VTI1A: variants seen among roughly 807,000 people sequenced by gnomAD.
VTI1A encodes the protein vesicle transport through interaction with t-SNAREs homolog 1A.
VTI1A carries 22 observed loss-of-function variants against 34.9 expected under a neutral mutation model. That is an observed-to-expected ratio of 0.63 (90% CI 0.45 to 0.90). VTI1A has a LOEUF of 0.90. VTI1A is among the 40% of genes least tolerant of loss of function. The pLI is 0.00. For missense variants in VTI1A, 268 were observed against 275.6 expected (o/e 0.97, Z 0.20); for synonymous variants, 87 against 97.3 (o/e 0.89, Z 0.62).
At chr10:112,582,529 A>G (rs1843989944) in intron 5 of VTI1A, among the ~76,000 whole-genome samples, 1 of 152,148 alleles carries the variant, frequency 6.6e-6, no homozygotes, top group South Asian at 2.1e-4. Context: ...TCATGGTGAC[A>G]TAGCTAGTGG....
chr10:112,685,995 G>T (rs1041953516), intron 7 of VTI1A, among the ~76,000 whole-genome samples: 2 of 152,132 alleles, frequency 1.3e-5, no homozygotes, highest in Non-Finnish European at 2.9e-5. Context: ...AGTGCATGAT[G>T]CCATACCTTC....
chr10:112,507,037 G>A (rs1849456109), intron 3 of VTI1A, among the ~76,000 whole-genome samples: 1 of 151,896 alleles, frequency 6.6e-6, no homozygotes, highest in African/African-American at 2.4e-5. Flanking sequence ...GAATGAAGTA[G>A]GGGAGCAGTT....
Position 112,815,139 on chromosome 10 carries a change from GCACACACACACA to G in VTI1A, c.561-129_561-118del, listed in dbSNP as rs71489986. 7.7e-5 allele frequency: 14 copies of G among 180,936 alleles called. No homozygotes were observed. The East Asian group carries it at 1.3e-3, about 16-fold the overall frequency. The allele number at this position is 180,936 out of a possible 1,614,324, so 11.2% of individuals were successfully genotyped here. The stretch of plus-strand genomic sequence containing the variant: ...GCTGCGTGATGTCTCTTTCGCGCGC[GCACACACACACA>G]CACACACACACACACACACACGCTC... On this transcript the variant is annotated intron_variant, in intron 7 of 7. Coordinates refer to ENST00000393077, the MANE Select transcript of VTI1A (RefSeq NM_145206.4).
chr10:112,785,239 C>G (rs185502529), intron 7 of VTI1A, among the ~76,000 whole-genome samples: 1 of 152,322 alleles, frequency 6.6e-6, no homozygotes, highest in African/African-American at 2.4e-5. Flanking sequence ...AAGGGGCTCA[C>G]TGGGCTCCCC....
chr10:112,720,355 C>G (rs1055375635), intron 7 of VTI1A, among the ~76,000 whole-genome samples: 1 of 152,214 alleles, frequency 6.6e-6, no homozygotes. Context: ...ATTTCTTCAC[C>G]TCTTCACCAG....
At chr10:112,739,589 A>G (rs1452445502) in intron 7 of VTI1A, among the ~76,000 whole-genome samples, 1 of 152,230 alleles carries the variant, frequency 6.6e-6, no homozygotes, top group Non-Finnish European at 1.5e-5. Context: ...TTGTATTTCA[A>G]CAGAGACATT....
At chr10:112,661,677 A>G (rs1847457093) in intron 5 of VTI1A, among the ~76,000 whole-genome samples, 5 of 149,178 alleles carry the variant, frequency 3.4e-5, no homozygotes. Flanking sequence ...AAGTTGTTCC[A>G]TTGTGTGTTT....
intron 3 of VTI1A, among the ~76,000 whole-genome samples, chr10:112,486,762 CA>C (rs371607133): frequency 1.6e-4 from 21 of 129,310 alleles, no homozygotes; most frequent in African/African-American, 6.3e-4. Context: ...ATGTTGCCTA[CA>C]ATAACACACT....
intron 7 of VTI1A, among the ~76,000 whole-genome samples, chr10:112,727,426 GAAA>G (rs35628341): frequency 6.6e-6 from 1 of 150,916 alleles, no homozygotes; most frequent in Non-Finnish European, 1.5e-5. Context: ...ACCCTGCAGG[GAAA>G]AAAAAAATTT....
chr10:112,800,042 T>G (rs967116971), intron 7 of VTI1A, among the ~76,000 whole-genome samples: 1 of 152,186 alleles, frequency 6.6e-6, no homozygotes, highest in African/African-American at 2.4e-5. Flanking sequence ...AGGTGGCTGA[T>G]AAGCCTCTGC....
At chr10:112,484,521 A>G (rs1258557359) in intron 3 of VTI1A, among the ~76,000 whole-genome samples, 1 of 152,108 alleles carries the variant, frequency 6.6e-6, no homozygotes, top group Non-Finnish European at 1.5e-5. Context: ...TTTACTTTCC[A>G]TTCACCTTGA....
chr10:112,655,383 G>A (rs963000803), intron 5 of VTI1A, among the ~76,000 whole-genome samples: 3 of 152,128 alleles, frequency 2.0e-5, no homozygotes, highest in Admixed American at 2.0e-4. Flanking sequence ...GGGTGGGGCA[G>A]GGGTAGCAGG....
At chr10:112,546,204 T>TAC (rs140142571) in intron 5 of VTI1A, among the ~76,000 whole-genome samples, 28,231 of 136,210 alleles carry the variant, frequency 0.21, 3,685 homozygotes, top group East Asian at 0.25. Context: ...TATATATGCA[T>TAC]ACACACACAC....
At chr10:112,605,302 C>T (rs527343044) in intron 5 of VTI1A, among the ~76,000 whole-genome samples, 1 of 152,254 alleles carries the variant, frequency 6.6e-6, no homozygotes, top group African/African-American at 2.4e-5. Flanking sequence ...AGTTGAACCA[C>T]ACTGTACTGT....
intron 5 of VTI1A, among the ~76,000 whole-genome samples, chr10:112,553,258 C>T (rs1291922047): frequency 6.6e-6 from 1 of 152,224 alleles, no homozygotes; most frequent in Non-Finnish European, 1.5e-5. Flanking sequence ...TGCTACGAGA[C>T]AGACTCAGGT....
rs190419528 is a variant in VTI1A, at chr10:112,695,114, T to C, written c.560+26116T>C. Among the ~76,000 whole-genome samples, 264 of 152,318 alleles carry C rather than the reference T, an allele frequency of 1.7e-3. 1 individual carries two copies. Among genetic ancestry groups the C allele is most frequent in the Non-Finnish European group, 2.8e-3 (192 of 68,026 alleles). On this transcript the variant is annotated intron_variant, in intron 7 of 7. Transcript: ENST00000393077. ...ATTTTTTTTGAGCTTTGTCTTTCTA[T>C]TAATTTCCAAAAGTGAAAAGTTCAA...
At chr10:112,730,707 T>C (rs1207446669) in intron 7 of VTI1A, among the ~76,000 whole-genome samples, 1 of 152,116 alleles carries the variant, frequency 6.6e-6, no homozygotes, top group Non-Finnish European at 1.5e-5. Context: ...GTCAGCAGTT[T>C]ATTCAACCAC....
chr10:112,700,133 A>C (rs1189111483), intron 7 of VTI1A, among the ~76,000 whole-genome samples: 2 of 139,710 alleles, frequency 1.4e-5, no homozygotes, highest in Admixed American at 1.4e-4. Context: ...AAAAAAAAAA[A>C]AACAAAACAA....
chr10:112,527,010 C>G, intron 3 of VTI1A, 77 bp from the exon 4 acceptor site: 5 of 1,465,288 alleles, frequency 3.4e-6, no homozygotes, highest in Non-Finnish European at 4.7e-6. Flanking sequence ...TGAGATCAGC[C>G]TTGATACCAA....
Sources: allele counts gnomAD v4.1 joint callset (sites outside exome capture counted in the v4.1 genomes callset), GRCh38; gene constraint gnomAD v4.1.1; transcripts MANE v1.5; gene names NCBI Gene and HGNC (gene_info 2026-07-23, HGNC 2026-07-21).